Variants in RPS6KC1 observed in about 807,000 individuals in gnomAD.
The protein encoded by RPS6KC1 is inactive ribosomal protein S6 kinase delta-1.
Under a neutral mutation model 103.8 loss-of-function variants are expected in RPS6KC1, and 54 were observed. That is an observed-to-expected ratio of 0.52 (90% CI 0.42 to 0.65). The LOEUF is 0.65. Ranked by LOEUF, RPS6KC1 falls within the 30% of genes least tolerant of loss-of-function variation. The pLI, the probability that RPS6KC1 is intolerant of heterozygous loss-of-function variation, is 0.00. For missense variants in RPS6KC1, 1,151 were observed against 1,253.8 expected, an observed-to-expected ratio of 0.92 and a Z score of 1.24; for synonymous variants, 439 against 438.7, an observed-to-expected ratio of 1.00 and a Z score of -0.01.
At chr1:213,569,864 C>T in the RPS6KC1 span, among the ~76,000 whole-genome samples, 68 of 152,298 alleles carry the variant, frequency 4.5e-4, no homozygotes, top group African/African-American at 1.6e-3. Flanking sequence ...GGCAGGGCTA[C>T]AAAGAAATCT....
At chr1:213,205,536 T>TATATATATATA (rs1553378413) in intron 8 of RPS6KC1, 5 of 82,318 alleles carry the variant, frequency 6.1e-5, no homozygotes, top group East Asian at 6.8e-4. Context: ...ACAAACTCAT[T>TATATATATATA]TATATATATA....
the RPS6KC1 span, among the ~76,000 whole-genome samples, chr1:213,315,645 A>G: frequency 6.6e-6 from 1 of 152,212 alleles, no homozygotes; most frequent in South Asian, 2.1e-4. Flanking sequence ...AGTATATAGG[A>G]AAGAGTGGTT....
intron 4 of RPS6KC1, among the ~76,000 whole-genome samples, chr1:213,114,861 A>T (rs560053253): frequency 6.6e-6 from 1 of 152,188 alleles, no homozygotes; most frequent in South Asian, 2.1e-4. Flanking sequence ...ACATTTATTG[A>T]TTTGCATATA....
At chr1:213,626,797 G>T in the RPS6KC1 span, among the ~76,000 whole-genome samples, 6 of 152,172 alleles carry the variant, frequency 3.9e-5, no homozygotes, top group African/African-American at 7.2e-5. Flanking sequence ...TCTCTGTTTT[G>T]GTACCAGTAC....
the RPS6KC1 span, among the ~76,000 whole-genome samples, chr1:213,673,829 T>A: frequency 2.6e-5 from 4 of 152,192 alleles, no homozygotes; most frequent in Non-Finnish European, 4.4e-5. Flanking sequence ...ATTCTTTCTT[T>A]TTTAGTCATT....
At chr1:213,378,323 A>G in the RPS6KC1 span, among the ~76,000 whole-genome samples, 1 of 152,222 alleles carries the variant, frequency 6.6e-6, no homozygotes, top group Non-Finnish European at 1.5e-5. Flanking sequence ...GGGGATGATA[A>G]TGGGTCCTCC....
At chr1:213,517,748 C>G in the RPS6KC1 span, among the ~76,000 whole-genome samples, 1 of 152,158 alleles carries the variant, frequency 6.6e-6, no homozygotes, top group Non-Finnish European at 1.5e-5. Context: ...ATTAGGTCCG[C>G]TTGGTGCAGA....
the RPS6KC1 span, among the ~76,000 whole-genome samples, chr1:213,495,020 G>A: frequency 6.6e-6 from 1 of 152,144 alleles, no homozygotes; most frequent in South Asian, 2.1e-4. Context: ...ATTTTGAAGG[G>A]GAATAGTTGT....
At chr1:213,635,522 T>A in the RPS6KC1 span, among the ~76,000 whole-genome samples, 1 of 152,112 alleles carries the variant, frequency 6.6e-6, no homozygotes, top group Non-Finnish European at 1.5e-5. Flanking sequence ...AAAAAACATA[T>A]GATTATCTCA....
the RPS6KC1 span, among the ~76,000 whole-genome samples, chr1:213,826,157 C>G: frequency 1.3e-5 from 2 of 152,064 alleles, no homozygotes; most frequent in Non-Finnish European, 2.9e-5. Context: ...AAAAAAATGA[C>G]AAATCTATAT....
intron 6 of RPS6KC1, among the ~76,000 whole-genome samples, chr1:213,136,026 A>C (rs555997477): frequency 1.3e-5 from 2 of 152,336 alleles, no homozygotes; most frequent in South Asian, 4.1e-4. Flanking sequence ...CATCTGAAAA[A>C]GAGTGTTTTA....
the RPS6KC1 span, among the ~76,000 whole-genome samples, chr1:213,363,609 GCTTGCTTGCTTGCTTGCTTT>G: frequency 2.8e-5 from 2 of 71,764 alleles, no homozygotes; most frequent in Admixed American, 1.5e-4. Flanking sequence ...TCGCTCGCTT[GCTTGCTTGCTTGCTTGCTTT>G]CTTTCTTTCT....
intron 9 of RPS6KC1, 75 bp from the exon 10 acceptor site, chr1:213,232,048 C>T: frequency 1.3e-6 from 2 of 1,570,432 alleles, no homozygotes; most frequent in East Asian, 4.6e-5. Context: ...GGTTGATAAA[C>T]ACAGAGCACA....
the RPS6KC1 span, among the ~76,000 whole-genome samples, chr1:213,481,107 C>G: frequency 1.3e-5 from 2 of 152,040 alleles, no homozygotes; most frequent in East Asian, 3.8e-4. Flanking sequence ...TTTGCATTAT[C>G]AACGCTATGT....
At chr1:213,367,846 G>T in the RPS6KC1 span, among the ~76,000 whole-genome samples, 1 of 152,312 alleles carries the variant, frequency 6.6e-6, no homozygotes, top group African/African-American at 2.4e-5. Flanking sequence ...AGAAATAGTA[G>T]AAAGGATTAT....
chr1:213,652,603 G>C, the RPS6KC1 span, among the ~76,000 whole-genome samples: 1 of 152,210 alleles, frequency 6.6e-6, no homozygotes, highest in Non-Finnish European at 1.5e-5. Context: ...TGAATTCCAA[G>C]GCTAGGCCTT....
chr1:213,491,404 C>T, the RPS6KC1 span, among the ~76,000 whole-genome samples: 7 of 152,082 alleles, frequency 4.6e-5, no homozygotes, highest in East Asian at 1.9e-4. Flanking sequence ...AAAAATTAAT[C>T]GGGCGTAGTA....
chr1:213,793,998 A>G, the RPS6KC1 span, among the ~76,000 whole-genome samples: 3 of 152,218 alleles, frequency 2.0e-5, no homozygotes, highest in African/African-American at 7.2e-5. Flanking sequence ...TGATTAGAAA[A>G]TTAGAAAAGC....
intron 14 of RPS6KC1, among the ~76,000 whole-genome samples, chr1:213,267,896 C>T (rs1012551671): frequency 2.0e-5 from 3 of 149,626 alleles, no homozygotes; most frequent in Non-Finnish European, 4.5e-5. Flanking sequence ...AAAATGGACA[C>T]AAAAATTGAA....
Sources: allele counts gnomAD v4.1 joint callset (sites outside exome capture counted in the v4.1 genomes callset), GRCh38; gene constraint gnomAD v4.1.1; transcripts MANE v1.5; gene names NCBI Gene and HGNC (gene_info 2026-07-23, HGNC 2026-07-21).